MECOM: variants seen among roughly 807,000 people sequenced by gnomAD.
The protein encoded by MECOM is MDS1 and EVI1 complex locus.
In MECOM, 13 loss-of-function variants were observed where a neutral mutation model predicts 116.3. That is an observed-to-expected ratio of 0.11 (90% confidence interval 0.07 to 0.18). The LOEUF (loss-of-function observed/expected upper bound fraction) is 0.18, where lower values mean the gene tolerates loss of function less well. Among genes scored for constraint, MECOM ranks in the 10% least tolerant of loss-of-function variants. The probability of loss-of-function intolerance (pLI) is 1.00; values close to 1 mark genes in which losing one functional copy is unlikely to be tolerated. For missense variants in MECOM, 1,299 were observed against 1,509.0 expected, an observed-to-expected ratio of 0.86 and a Z score of 2.31; for synonymous variants, 528 against 535.2, an observed-to-expected ratio of 0.99 and a Z score of 0.19.
chr3:169,528,232 T>A (rs971541217), intron 1 of MECOM, among the ~76,000 whole-genome samples: 1 of 152,202 alleles, frequency 6.6e-6, no homozygotes, highest in Non-Finnish European at 1.5e-5. Context: ...TGTAACCCAA[T>A]GATCAAACAT....
intron 1 of MECOM, among the ~76,000 whole-genome samples, chr3:169,620,854 T>TAGA (rs10657045): frequency 0.36 from 55,227 of 151,888 alleles, 10,233 homozygotes; most frequent in East Asian, 0.44. Context: ...TTCTGTAAAA[T>TAGA]AGGAGATAGA....
intron 1 of MECOM, among the ~76,000 whole-genome samples, chr3:169,398,698 C>A (rs1165526830): frequency 6.6e-6 from 1 of 152,134 alleles, no homozygotes; most frequent in South Asian, 2.1e-4. Context: ...TCCTACTGTT[C>A]TGAGAGCTGT....
chr3:169,613,963 T>C (rs1205632347), intron 1 of MECOM: 2 of 152,182 alleles, frequency 1.3e-5, no homozygotes, highest in African/African-American at 2.4e-5. Flanking sequence ...CTTTTAGATC[T>C]AATGTTTTTG....
In MECOM at chr3:169,470,740, T is replaced by C. The variant is rs75741949; in HGVS notation, c.38-89216A>G. Reference sequence around the variant, plus strand: ...TCCTAATGGTCCTATTGCCAGAGTATAAGTTATGAGGAATCTGGTGTATCT... The same window carrying C: ...TCCTAATGGTCCTATTGCCAGAGTACAAGTTATGAGGAATCTGGTGTATCT... On this transcript the variant is annotated intron_variant, in intron 1 of 16. Transcript: ENST00000651503. 2.0e-3 allele frequency among the ~76,000 whole-genome samples: 306 copies of C among 152,160 alleles called. 5 individuals carry two copies. In the East Asian group the frequency reaches 0.051, roughly 25 times the overall value.
chr3:169,568,232 G>C (rs933256231), intron 1 of MECOM, among the ~76,000 whole-genome samples: 2 of 152,204 alleles, frequency 1.3e-5, no homozygotes, highest in Non-Finnish European at 2.9e-5. Context: ...CCGCAGACCA[G>C]GAGATTCCCT....
intron 2 of MECOM, among the ~76,000 whole-genome samples, chr3:169,224,402 A>G (rs967549124): frequency 6.6e-6 from 1 of 152,122 alleles, no homozygotes; most frequent in African/African-American, 2.4e-5. Context: ...CGTAAACCCA[A>G]ATGAGTTGTT....
chr3:169,103,856 T>C (rs1247758229), intron 10 of MECOM, among the ~76,000 whole-genome samples: 1 of 152,182 alleles, frequency 6.6e-6, no homozygotes, highest in Admixed American at 6.6e-5. Flanking sequence ...CAAGTGACTA[T>C]TCATGTTCTA....
chr3:169,087,308 C>A (rs1212859930), intron 16 of MECOM, among the ~76,000 whole-genome samples: 3 of 151,970 alleles, frequency 2.0e-5, no homozygotes, highest in African/African-American at 7.2e-5. Context: ...AAAGAAAAAA[C>A]CATGGCCAGG....
intron 1 of MECOM, among the ~76,000 whole-genome samples, chr3:169,577,839 G>A (rs907532889): frequency 2.6e-5 from 4 of 152,100 alleles, no homozygotes; most frequent in African/African-American, 9.7e-5. Context: ...GATGGGAGAG[G>A]TAAACTTCAA....
At chr3:169,419,656 T>C (rs1246855023) in intron 1 of MECOM, among the ~76,000 whole-genome samples, 3 of 152,042 alleles carry the variant, frequency 2.0e-5, no homozygotes, top group Non-Finnish European at 4.4e-5. Flanking sequence ...ATAAAAACCA[T>C]AGAAGAAAAC....
In MECOM at chr3:169,178,455, A is replaced by C. The variant is rs542725625; in HGVS notation, c.376-34623T>G. On this transcript the variant is annotated intron_variant, in intron 2 of 16. Coordinates refer to ENST00000651503, the MANE Select transcript of MECOM (RefSeq NM_004991.4). The stretch of plus-strand genomic sequence containing the variant: ...ATCAAGAAGGACATTAGTTTCTCAG[A>C]GTCCATCCTACCATGTTCCAGTGGT... Among the ~76,000 whole-genome samples, 39 of 152,328 alleles carry C rather than the reference A, an allele frequency of 2.6e-4. No individual in the cohort carries two copies. The South Asian group carries it at 5.0e-3, about 19-fold the overall frequency.
At chr3:169,641,062 A>T (rs1269658272) in intron 1 of MECOM, among the ~76,000 whole-genome samples, 2 of 152,130 alleles carry the variant, frequency 1.3e-5, no homozygotes, top group East Asian at 3.9e-4. Flanking sequence ...AAGTCTTTTC[A>T]CATTGCCACC....
At chr3:169,399,978 T>G (rs1735621362) in intron 1 of MECOM, among the ~76,000 whole-genome samples, 1 of 152,160 alleles carries the variant, frequency 6.6e-6, no homozygotes, top group Non-Finnish European at 1.5e-5. Context: ...TGTCTCCAAG[T>G]TTAGACTGAG....
chr3:169,595,665 T>A (rs1162039560), intron 1 of MECOM, among the ~76,000 whole-genome samples: 1 of 152,198 alleles, frequency 6.6e-6, no homozygotes, highest in Non-Finnish European at 1.5e-5. Context: ...CTTTTCTTAT[T>A]TTTGATCAAA....
Position 169,093,041 on chromosome 3 carries a change from T to C in MECOM, c.3081A>G (p.Lys1027=). 1.9e-6 allele frequency: 3 copies of C among 1,613,904 alleles called. No homozygotes were observed. Among genetic ancestry groups the C allele is most frequent in the Non-Finnish European group, 2.5e-6 (3 of 1,179,824 alleles). Residue 1027 remains lysine, a synonymous_variant, in exon 14 of 17, where the codon AAA becomes AAG. Coordinates refer to ENST00000651503, the MANE Select transcript of MECOM (RefSeq NM_004991.4). ...GAATTTCTGTGAAGTAAGCATCTTC[T>C]TTGTCATCCAGAATCGCACCTGTAC... ...LESTGAILDD[K]EDAYFTEIRN...
At chr3:169,376,754 C>G (rs1284753683) in intron 2 of MECOM, among the ~76,000 whole-genome samples, 2 of 152,120 alleles carry the variant, frequency 1.3e-5, no homozygotes, top group Non-Finnish European at 2.9e-5. Context: ...CCATACTGCT[C>G]AAAGTAATTT....
chr3:169,203,482 C>T (rs937651619), intron 2 of MECOM, among the ~76,000 whole-genome samples: 2 of 152,002 alleles, frequency 1.3e-5, no homozygotes, highest in Non-Finnish European at 2.9e-5. Context: ...AATTAATTTA[C>T]TAAAGTTCTT....
intron 2 of MECOM, among the ~76,000 whole-genome samples, chr3:169,380,731 T>C (rs1209149708): frequency 6.6e-6 from 1 of 152,024 alleles, no homozygotes; most frequent in African/African-American, 2.4e-5. Flanking sequence ...TAGAAAAACA[T>C]AGCACAAAAT....
chr3:169,288,132 A>G (rs373587440), intron 2 of MECOM, among the ~76,000 whole-genome samples: 5 of 152,146 alleles, frequency 3.3e-5, no homozygotes, highest in African/African-American at 1.2e-4. Context: ...TTCAGAGAAT[A>G]CAAATGAACC....
Sources: allele counts gnomAD v4.1 joint callset (sites outside exome capture counted in the v4.1 genomes callset), GRCh38; gene constraint gnomAD v4.1.1; transcripts MANE v1.5; gene names NCBI Gene and HGNC (gene_info 2026-07-23, HGNC 2026-07-21).